RPSA2: variants seen among roughly 807,000 people sequenced by gnomAD.
RPSA2 encodes small ribosomal subunit protein uS2B.
chr19:23,867,693 G>T, the RPSA2 span, among the ~76,000 whole-genome samples: 3 of 152,118 alleles, frequency 2.0e-5, no homozygotes, highest in Non-Finnish European at 2.9e-5. Flanking sequence ...AGCCGGGCGT[G>T]GTGGCGGGCG....
the RPSA2 span, chr19:23,781,935 C>T: frequency 6.2e-6 from 1 of 161,036 alleles, no homozygotes; most frequent in Non-Finnish European, 1.4e-5. Context: ...TTGATACAGC[C>T]CACAAGGGTC....
chr19:23,826,360 T>G, the RPSA2 span, among the ~76,000 whole-genome samples: 1 of 151,724 alleles, frequency 6.6e-6, no homozygotes, highest in African/African-American at 2.4e-5. Flanking sequence ...GCCTGGCTAA[T>G]TTTTGCATTT....
At chr19:23,832,718 A>G in the RPSA2 span, 8 of 1,528,292 alleles carry the variant, frequency 5.2e-6, no homozygotes, top group African/African-American at 2.7e-5. Flanking sequence ...GAGAAACCCT[A>G]CAAATGTGAA....
At chr19:23,836,906 T>C in the RPSA2 span, among the ~76,000 whole-genome samples, 1 of 152,212 alleles carries the variant, frequency 6.6e-6, no homozygotes, top group South Asian at 2.1e-4. Context: ...GTATAGATTG[T>C]AAAGATTTTC....
the RPSA2 span, among the ~76,000 whole-genome samples, chr19:23,793,721 A>G: frequency 6.6e-6 from 1 of 151,968 alleles, no homozygotes; most frequent in East Asian, 1.9e-4. Context: ...CACCACCATC[A>G]TGCCCAGCTA....
chr19:23,795,285 A>G, the RPSA2 span, among the ~76,000 whole-genome samples: 1 of 151,466 alleles, frequency 6.6e-6, no homozygotes, highest in Non-Finnish European at 1.5e-5. Context: ...TTTTTAGGAT[A>G]TTGATATTTT....
At chr19:23,853,861 T>A in the RPSA2 span, among the ~76,000 whole-genome samples, 1 of 152,218 alleles carries the variant, frequency 6.6e-6, no homozygotes, top group Non-Finnish European at 1.5e-5. Context: ...TTCCAACACC[T>A]ACTAGTCCCA....
At chr19:23,853,411 A>G in the RPSA2 span, among the ~76,000 whole-genome samples, 1 of 152,190 alleles carries the variant, frequency 6.6e-6, no homozygotes. Context: ...AAGATTCCAC[A>G]TGTCCAAGTT....
chr19:23,817,810 C>T, the RPSA2 span: 148,965 of 152,294 alleles, frequency 0.98, 72,948 homozygotes, highest in Middle Eastern at 1. Context: ...TGCAGCTTCA[C>T]TGGAAGGGAA....
the RPSA2 span, among the ~76,000 whole-genome samples, chr19:23,813,757 C>T: frequency 8.0e-6 from 1 of 125,568 alleles, no homozygotes; most frequent in Non-Finnish European, 1.6e-5. Context: ...GAGTCTCACT[C>T]TGTTGCCCAG....
the RPSA2 span, among the ~76,000 whole-genome samples, chr19:23,839,458 C>T: frequency 6.6e-6 from 1 of 152,152 alleles, no homozygotes; most frequent in Non-Finnish European, 1.5e-5. Context: ...CCCACTGCAC[C>T]CCTCACAACA....
the RPSA2 span, chr19:23,790,691 A>G: frequency 1.7e-5 from 7 of 402,556 alleles, no homozygotes; most frequent in Admixed American, 2.0e-4. Flanking sequence ...TCTGACTTAG[A>G]GTCCCAGCCT....
At chr19:23,783,871 C>T in the RPSA2 span, among the ~76,000 whole-genome samples, 238 of 152,262 alleles carry the variant, frequency 1.6e-3, no homozygotes, top group African/African-American at 5.6e-3. Context: ...TATATCTGAG[C>T]CCAGCATGCA....
At chr19:23,832,208 G>A in the RPSA2 span, 88 of 426,408 alleles carry the variant, frequency 2.1e-4, no homozygotes, top group Non-Finnish European at 2.6e-4. Flanking sequence ...ATGCACAGAA[G>A]AAAGAAACTC....
the RPSA2 span, among the ~76,000 whole-genome samples, chr19:23,786,993 C>G: frequency 1.3e-5 from 2 of 151,892 alleles, no homozygotes; most frequent in Admixed American, 6.6e-5. Context: ...CTGCCTGGGT[C>G]TTAATAAAGA....
the RPSA2 span, among the ~76,000 whole-genome samples, chr19:23,853,008 T>C: frequency 6.6e-6 from 1 of 152,200 alleles, no homozygotes; most frequent in East Asian, 1.9e-4. Flanking sequence ...CAGCAATTAA[T>C]ATCAATATAA....
At chr19:23,787,350 C>A in the RPSA2 span, among the ~76,000 whole-genome samples, 2 of 152,000 alleles carry the variant, frequency 1.3e-5, no homozygotes, top group Admixed American at 6.6e-5. Flanking sequence ...TGCCTGTAAT[C>A]CCAGTACTTT....
chr19:23,813,162 A>G, the RPSA2 span, among the ~76,000 whole-genome samples: 1 of 148,328 alleles, frequency 6.7e-6, no homozygotes, highest in Non-Finnish European at 1.5e-5. Context: ...TGAGCCTGGG[A>G]CTGTGAGGCT....
At chr19:23,856,686 G>A in the RPSA2 span, among the ~76,000 whole-genome samples, 5 of 152,052 alleles carry the variant, frequency 3.3e-5, no homozygotes, top group East Asian at 1.9e-4. Flanking sequence ...ATTGTCGGCC[G>A]GTCTGAGAAA....
Sources: gnomAD v4.1 joint callset for allele counts (sites outside exome capture counted in the v4.1 genomes callset) on GRCh38, gnomAD v4.1.1 for gene constraint, MANE v1.5 for transcripts, NCBI Gene and HGNC (gene_info 2026-07-23, HGNC 2026-07-21) for gene names.